MYH6: variants seen among roughly 807,000 people sequenced by gnomAD.
MYH6 encodes the protein myosin-6.
In MYH6, 126 loss-of-function variants were observed where a neutral mutation model predicts 223.2. The ratio of observed to expected loss-of-function variants is 0.56; its 90% confidence interval spans 0.49 to 0.65. MYH6 has a LOEUF of 0.65. MYH6 is among the 30% of genes least tolerant of loss of function. The pLI is 0.00. For synonymous variants in MYH6, 978 were observed against 1,010.2 expected, an observed-to-expected ratio of 0.97 and a Z score of 0.61; for missense variants, 2,040 against 2,536.4, an observed-to-expected ratio of 0.80 and a Z score of 4.20.
At position 23,389,383 on chromosome 14, in the gene MYH6, T is replaced by G; in HGVS notation, c.3978+10A>C. On this transcript the variant is annotated intron_variant, in intron 28 of 38. Coordinates refer to ENST00000405093, the MANE Select transcript of MYH6 (RefSeq NM_002471.4). ...CATCAAGCCTGCCCACCCTCCCCAC[T>G]GGGCCTCACCTTGCCCTCCTCCTCC... 6.2e-7 allele frequency: 1 copy of G among 1,613,584 alleles called. No homozygotes were observed.
In MYH6 at chr14:23,386,073, A is replaced by G. The variant is rs1210895817; in HGVS notation, c.5018T>C (p.Ile1673Thr). ...VRANDDLKEN[I>T]AIVERRNNLL... Reference sequence around the variant, plus strand: ...GTTGTTGCGCCGCTCCACGATGGCGATGTTCTCCTTCAGGTCGTCGTTGGC... The same window carrying G: ...GTTGTTGCGCCGCTCCACGATGGCGGTGTTCTCCTTCAGGTCGTCGTTGGC... Residue 1673 changes from isoleucine (I) to threonine (T), a missense_variant, in exon 34 of 39, where the codon ATC becomes ACC. By Grantham distance (89) the Ile-to-Thr change is moderately conservative. This residue lies in a region of MYH6 where 1,203 missense variants were observed against 1,400.2 expected (regional missense o/e 0.86). Coordinates refer to ENST00000405093, the MANE Select transcript of MYH6 (RefSeq NM_002471.4). The G allele has an allele frequency of 1.2e-6, 2 of 1,614,130 alleles. No individual in the cohort carries two copies. Among genetic ancestry groups the G allele is most frequent in the Admixed American group, 3.3e-5 (2 of 60,026 alleles).
At chr14:23,396,200 C>G in intron 20 of MYH6, 84 bp downstream of exon 20, 1 of 1,589,422 alleles carries the variant, frequency 6.3e-7, no homozygotes, top group Non-Finnish European at 8.6e-7. Context: ...AGGTCTGAAC[C>G]CAGGTCTTCT....
intron 24 of MYH6, 82 bp downstream of exon 24, chr14:23,392,830 C>G (rs1036686087): frequency 7.6e-6 from 12 of 1,586,582 alleles, no homozygotes; most frequent in African/African-American, 5.4e-5. Flanking sequence ...GCAACTGTGG[C>G]CAGTGGAGGC....
intron 16 of MYH6, 138 bp from the exon 17 acceptor site, chr14:23,397,395 C>T (rs1891431773): frequency 7.9e-7 from 1 of 1,260,540 alleles, no homozygotes; most frequent in East Asian, 2.3e-5. Context: ...TGAGTTCAGG[C>T]TTTTGTGGAA....
At chr14:23,394,011 G>A in intron 21 of MYH6, 57 bp downstream of exon 21, 2 of 1,613,704 alleles carry the variant, frequency 1.2e-6, no homozygotes, top group South Asian at 1.1e-5. Flanking sequence ...GTTGTGAGAT[G>A]GGCTATAATC....
chr14:23,386,060 C>G lies in MYH6; in HGVS notation c.5031G>C (p.Glu1677Asp), dbSNP rs2092595843. 1 of 1,614,242 alleles carries G rather than the reference C, an allele frequency of 6.2e-7. No homozygotes were observed. The highest frequency in any genetic ancestry group is 8.5e-7 in the Non-Finnish European group (1 of 1,180,036). ...CAGCCTGCAGCAGGTTGTTGCGCCG[C>G]TCCACGATGGCGATGTTCTCCTTCA... ...DDLKENIAIVERRNNLLQAEL... is the reference protein window; with the variant it reads ...DDLKENIAIVDRRNNLLQAEL... Residue 1677 changes from glutamate (E) to aspartate (D), a missense_variant, in exon 34 of 39, where the codon GAG becomes GAC. Physicochemically the swap from Glu to Asp is conservative, Grantham distance 45. This residue lies in a region of MYH6 where 1,203 missense variants were observed against 1,400.2 expected (regional missense o/e 0.86). Coordinates refer to ENST00000405093, the MANE Select transcript of MYH6 (RefSeq NM_002471.4).
At chr14:23,382,183 C>T in intron 38 of MYH6, 120 bp from the exon 39 acceptor site, 4 of 1,182,224 alleles carry the variant, frequency 3.4e-6, no homozygotes, top group Admixed American at 1.7e-5. Flanking sequence ...GGCAGGGCCC[C>T]AGGGATCCTG....
chr14:23,383,390 CATTTTA>C, intron 36 of MYH6, 70 bp from the exon 37 acceptor site: 1 of 1,224,414 alleles, frequency 8.2e-7, no homozygotes, highest in Admixed American at 1.9e-5. Context: ...CCTCCTCCAT[CATTTTA>C]CTCTTCTCCC....
intron 32 of MYH6, 131 bp from the exon 33 acceptor site, chr14:23,386,754 G>T: frequency 1.8e-6 from 2 of 1,132,300 alleles, no homozygotes; most frequent in Non-Finnish European, 2.5e-6. Flanking sequence ...GGGGAGGTGG[G>T]ATCTGCACCC....
intron 32 of MYH6, 147 bp downstream of exon 32, chr14:23,387,382 T>G: frequency 1.6e-6 from 2 of 1,287,066 alleles, no homozygotes; most frequent in Non-Finnish European, 2.2e-6. Flanking sequence ...GAGGCAGTCA[T>G]GGGTAGTGAA....
In MYH6 at chr14:23,385,915, C is replaced by T; in HGVS notation, c.5163+13G>A. 6.2e-7 allele frequency: 1 copy of T among 1,614,174 alleles called. No individual in the cohort carries two copies. Among genetic ancestry groups the T allele is most frequent in the Non-Finnish European group, 8.5e-7 (1 of 1,180,028 alleles). ...TCAGTAGGTTTCCACAAGGTGGCTC[C>T]TGACCCCCTCACCTGGGAATGCAGC... On this transcript the variant is annotated intron_variant, in intron 34 of 38. Transcript: ENST00000405093.
At chr14:23,403,638 T>A in intron 9 of MYH6, 77 bp downstream of exon 9, 1 of 1,392,706 alleles carries the variant, frequency 7.2e-7, no homozygotes, top group South Asian at 1.2e-5. Flanking sequence ...ATGGCAGGAA[T>A]GATGAGACTG....
intron 26 of MYH6, 61 bp from the exon 27 acceptor site, chr14:23,389,780 A>G (rs1479091519): frequency 1.2e-5 from 20 of 1,613,014 alleles, no homozygotes; most frequent in Non-Finnish European, 1.7e-5. Context: ...AGAGGAAGGA[A>G]GAGAGGGTCA....
chr14:23,387,411 G>T, intron 32 of MYH6, 118 bp downstream of exon 32: 1 of 1,522,042 alleles, frequency 6.6e-7, no homozygotes, highest in South Asian at 1.1e-5. Flanking sequence ...AGATAATGTT[G>T]AACAAAGAAT....
chr14:23,384,471 C>G lies in MYH6; in HGVS notation c.5536G>C (p.Glu1846Gln). 3.7e-6 allele frequency: 6 copies of G among 1,612,094 alleles called. No individual in the cohort carries two copies. Among genetic ancestry groups the G allele is most frequent in the South Asian group, 1.1e-5 (1 of 91,072 alleles). The change falls in exon 36 of 39, where the codon GAG becomes CAG. Residue 1846 changes from glutamate to glutamine, a missense_variant. Physicochemically the swap from Glu to Gln is conservative, Grantham distance 29. Transcript: ENST00000405093. ...TAGGTGAGCTCCTTGATGCGCCGCT[C>G]GCTCTTCCTCATGCCCTTCACCGAC... Reference protein sequence around the residue: ...AESVKGMRKSERRIKELTYQT... With the variant: ...AESVKGMRKSQRRIKELTYQT...
chr14:23,393,835 T>C lies in MYH6; in HGVS notation c.2759A>G (p.Lys920Arg). 6.2e-7 allele frequency: 1 copy of C among 1,614,220 alleles called. No individual in the cohort carries two copies. Among genetic ancestry groups the C allele is most frequent in the Non-Finnish European group, 8.5e-7 (1 of 1,180,042 alleles). ...CAGCCTCTCATTCATCTCCTTTACT[T>C]TGGCCTCCAGCTGAATCTTGTTTTT... ...LIKNKIQLEAKVKEMNERLED... is the reference protein window; with the variant it reads ...LIKNKIQLEARVKEMNERLED... Residue 920 changes from lysine (K) to arginine (R), a missense_variant, in exon 22 of 39, where the codon AAA (lysine) becomes AGA (arginine). Physicochemically the swap from Lys to Arg is conservative, Grantham distance 26. Around this residue, in one of 4 missense-constraint regions of MYH6, gnomAD observed 1,203 missense variants for 1,400.2 expected, o/e 0.86. Transcript: ENST00000405093.
Position 23,402,764 on chromosome 14 carries a change from G to T in MYH6, c.935C>A (p.Ala312Asp). Residue 312 changes from alanine to aspartate, a missense_variant, in exon 11 of 39, where the codon GCC becomes GAC. By Grantham distance (126) the Ala-to-Asp change is moderately radical. Coordinates refer to ENST00000405093, the MANE Select transcript of MYH6 (RefSeq NM_002471.4). ...GGACACCTCTCCCTGAGACACGAAGGCGTAGTCGTAGGGATTGTTGGTGAC... is the reference window on the plus strand; with the variant it reads ...GGACACCTCTCCCTGAGACACGAAGTCGTAGTCGTAGGGATTGTTGGTGAC... ...LLVTNNPYDYAFVSQGEVSVA... is the reference protein window; with the variant it reads ...LLVTNNPYDYDFVSQGEVSVA... 1.2e-6 allele frequency: 2 copies of T among 1,613,658 alleles called. No homozygotes were observed. The highest frequency in any genetic ancestry group is 1.7e-6 in the Non-Finnish European group (2 of 1,179,954).
rs200813340 is a variant in MYH6, at chr14:23,396,802, G to A, written c.2184C>T (p.Asn728=). The change falls in exon 19 of 39, where the codon AAC becomes AAT. Residue 728 remains asparagine, a synonymous_variant. Transcript: ENST00000405093. ...ACTGTCCCTCAGGGATGGCCACTGG[G>A]TTCAGGATGCGATACCTGAGGAGGG... is the stretch of plus-strand genomic sequence containing the variant. ...GDFRQRYRIL[N]PVAIPEGQFI... The A allele has an allele frequency of 1.9e-6, 3 of 1,613,972 alleles. No homozygotes were observed. Among genetic ancestry groups the A allele is most frequent in the African/African-American group, 2.7e-5 (2 of 75,036 alleles).
rs935390305 is a variant in MYH6, at chr14:23,406,940, A to G, written c.201+83T>C. On this transcript the variant is annotated intron_variant, in intron 3 of 38. Transcript: ENST00000405093. ...GCCTTGGCTTTTCTCCAGCCCTCTC[A>G]GCTCCCCCTGCAAGTGGCTCCACCT... 6.8e-6 allele frequency: 10 copies of G among 1,460,722 alleles called. No individual in the cohort carries two copies. The African/African-American group carries it at 1.1e-4, about 16-fold the overall frequency. 90.5% of individuals were successfully genotyped at this position (1,460,722 alleles called of 1,614,324 possible). A position where few individuals can be genotyped will look rare whatever the true frequency, so the allele number is the denominator to read the frequency against.
Sources: allele counts gnomAD v4.1 joint callset, GRCh38; gene constraint gnomAD v4.1.1; regional missense constraint gnomAD v4.1.1; transcripts MANE v1.5; gene names NCBI Gene and HGNC (gene_info 2026-07-23, HGNC 2026-07-21).